Variants in ANKRD18A observed in about 807,000 individuals in gnomAD.
The protein encoded by ANKRD18A is ankyrin repeat domain-containing protein 18A.
ANKRD18A carries 72 observed loss-of-function variants against 110.6 expected under a neutral mutation model. The ratio of observed to expected loss-of-function variants is 0.65; its 90% CI spans 0.54 to 0.79. The LOEUF is 0.79. Among genes scored for constraint, ANKRD18A ranks in the 30% least tolerant of loss-of-function variants. The pLI, the probability that ANKRD18A is intolerant of heterozygous loss-of-function variation, is 0.00. For missense variants in ANKRD18A, 934 were observed against 1,163.3 expected (o/e 0.80, Z 2.87); for synonymous variants, 305 against 410.3 (o/e 0.74, Z 3.10).
chr9:38,585,483 T>C (rs1824341710), intron 12 of ANKRD18A, among the ~76,000 whole-genome samples: 1 of 152,122 alleles, frequency 6.6e-6, no homozygotes. Context: ...AACCAAACTG[T>C]AATGTGACTG....
chr9:38,594,606 A>C (rs1824796214), intron 9 of ANKRD18A, among the ~76,000 whole-genome samples: 1 of 152,162 alleles, frequency 6.6e-6, no homozygotes, highest in Non-Finnish European at 1.5e-5. Flanking sequence ...AGAAGTCTTT[A>C]AAATACTAAG....
chr9:38,571,579 C>A lies in ANKRD18A; in HGVS notation c.*466G>T. On this transcript the variant is annotated 3_prime_UTR_variant, in exon 16 of 16. Coordinates refer to ENST00000399703, the MANE Select transcript of ANKRD18A (RefSeq NM_147195.4). Reference sequence around the variant, plus strand: ...GAGCTACAAGAAGAAAACCGTAACACTAGTATGGACAAACCTGGCAGATAC... The same window carrying A: ...GAGCTACAAGAAGAAAACCGTAACAATAGTATGGACAAACCTGGCAGATAC... 10 of 1,008,070 alleles carry A rather than the reference C, an allele frequency of 9.9e-6. No homozygotes were observed. The highest frequency in any genetic ancestry group is 1.1e-5 in the Non-Finnish European group (9 of 843,900). 62.4% of individuals were successfully genotyped at this position (1,008,070 alleles called of 1,614,324 possible).
intron 6 of ANKRD18A, 32 bp from the exon 7 acceptor site, chr9:38,603,244 T>C: frequency 6.4e-7 from 1 of 1,550,626 alleles, no homozygotes; most frequent in Non-Finnish European, 8.7e-7. Flanking sequence ...TAGATATTCC[T>C]TCTGGAAAAC....
intron 3 of ANKRD18A, 85 bp downstream of exon 3, chr9:38,615,509 C>T: frequency 1.4e-6 from 2 of 1,427,408 alleles, no homozygotes; most frequent in Non-Finnish European, 1.8e-6. Flanking sequence ...TTCAGGAATA[C>T]TTGAGTTCCA....
chr9:38,591,771 G>T (rs1233419807), intron 10 of ANKRD18A, among the ~76,000 whole-genome samples: 3 of 152,226 alleles, frequency 2.0e-5, no homozygotes, highest in Middle Eastern at 3.4e-3. Flanking sequence ...AGTCACGTAT[G>T]TACTACAATG....
chr9:38,585,340 A>G (rs565636467), intron 12 of ANKRD18A, among the ~76,000 whole-genome samples: 28 of 152,212 alleles, frequency 1.8e-4, no homozygotes, highest in Admixed American at 1.1e-3. Context: ...TGTCACCTAA[A>G]GAATCCTTAA....
intron 1 of ANKRD18A, among the ~76,000 whole-genome samples, chr9:38,618,993 T>C (rs770587083): frequency 3.3e-5 from 5 of 150,172 alleles, no homozygotes; most frequent in Non-Finnish European, 7.4e-5. Flanking sequence ...TTCATCTGAA[T>C]ATATATTTTT....
At chr9:38,569,726 G>A (rs55942745), downstream of ANKRD18A, among the ~76,000 whole-genome samples, 1,685 of 152,240 alleles carry the variant, frequency 0.011, 30 homozygotes, top group African/African-American at 0.037. Context: ...TCCACTCACA[G>A]GTGCACCCAG....
At chr9:38,591,796 T>C (rs1824660760) in intron 10 of ANKRD18A, among the ~76,000 whole-genome samples, 1 of 152,152 alleles carries the variant, frequency 6.6e-6, no homozygotes, top group Non-Finnish European at 1.5e-5. Flanking sequence ...CAGCACCTCC[T>C]GGATTGAGTA....
At chr9:38,612,753 G>A (rs7854876) in intron 3 of ANKRD18A, among the ~76,000 whole-genome samples, 8,164 of 151,910 alleles carry the variant, frequency 0.054, 747 homozygotes, top group African/African-American at 0.18. Context: ...TCCTGACCTC[G>A]TGATCTGCCC....
chr9:38,596,170 C>G lies in ANKRD18A; in HGVS notation c.1170G>C (p.Gln390His). 1 of 1,546,034 alleles carries G rather than the reference C, an allele frequency of 6.5e-7. No individual in the cohort carries two copies. The highest frequency in any genetic ancestry group is 8.7e-7 in the Non-Finnish European group (1 of 1,144,896). ...CATTCTCAGCTTTCAGATCATTAAGCTGTTGCGAATACCGGGCCACTGTTT... is the reference window on the plus strand; with the variant it reads ...CATTCTCAGCTTTCAGATCATTAAGGTGTTGCGAATACCGGGCCACTGTTT... ...ITKTVARYSQ[Q>H]LNDLKAENAR... The change falls in exon 9 of 16, where the codon CAG (glutamine) becomes CAC (histidine). Residue 390 changes from glutamine to histidine, a missense_variant. By Grantham distance (24) the Gln-to-His change is conservative. Around this residue, in one of 4 missense-constraint regions of ANKRD18A, gnomAD observed 630 missense variants for 797.5 expected, o/e 0.79. Coordinates refer to ENST00000399703, the MANE Select transcript of ANKRD18A (RefSeq NM_147195.4).
At position 38,596,402 on chromosome 9, in the gene ANKRD18A, T is replaced by A. The variant is rs1478741229; in HGVS notation, c.938A>T (p.Asp313Val). Residue 313 changes from aspartate to valine, a missense_variant and splice_region_variant, in exon 9 of 16, where the codon GAT becomes GTT. Physicochemically the swap from Asp to Val is radical, Grantham distance 152. Coordinates refer to ENST00000399703, the MANE Select transcript of ANKRD18A (RefSeq NM_147195.4). ...LQRSENKQPQ[D>V]SQSYGKKKDA... ...CTTCTTTTTTCCGTAACTTTGAGAA[T>A]CCTAAATAAAACAAAACAAATTTTT... The A allele has an allele frequency of 4.2e-6, 6 of 1,440,008 alleles. No homozygotes were observed. The highest frequency in any genetic ancestry group is 5.5e-6 in the Non-Finnish European group (6 of 1,096,892). 89.2% of individuals were successfully genotyped at this position (1,440,008 alleles called of 1,614,324 possible).
intron 9 of ANKRD18A, among the ~76,000 whole-genome samples, chr9:38,594,856 C>A (rs1444792995): frequency 6.6e-6 from 1 of 152,196 alleles, no homozygotes; most frequent in Non-Finnish European, 1.5e-5. Flanking sequence ...AGCATTTCCA[C>A]TTACCTGCTT....
intron 1 of ANKRD18A, among the ~76,000 whole-genome samples, 158 bp downstream of exon 1, chr9:38,619,922 G>T (rs765775008): frequency 6.6e-6 from 1 of 152,186 alleles, no homozygotes; most frequent in African/African-American, 2.4e-5. Context: ...CGCGACGGAC[G>T]GGGAATTGCC....
chr9:38,615,295 T>C (rs1218449531), intron 3 of ANKRD18A, among the ~76,000 whole-genome samples: 1 of 152,112 alleles, frequency 6.6e-6, no homozygotes, highest in Non-Finnish European at 1.5e-5. Context: ...TCCAGGGTAA[T>C]TTTTTCCCTG....
chr9:38,603,134 G>A (rs3005823), intron 7 of ANKRD18A, 25 bp downstream of exon 7: 505,136 of 1,452,498 alleles, frequency 0.35, 105,888 homozygotes, highest in African/African-American at 0.77. Flanking sequence ...TACATGGTTA[G>A]GAGTAGAGAA....
chr9:38,593,875 T>C lies in ANKRD18A; in HGVS notation c.1889A>G (p.Asp630Gly). The C allele has an allele frequency of 6.6e-7, 1 of 1,506,460 alleles. No individual in the cohort carries two copies. The highest frequency in any genetic ancestry group is 8.9e-7 in the Non-Finnish European group (1 of 1,129,538). 93.3% of individuals were successfully genotyped at this position (1,506,460 alleles called of 1,614,324 possible). The change falls in exon 10 of 16, where the codon GAT becomes GGT. Residue 630 changes from aspartate (D) to glycine (G), a missense_variant. Physicochemically the swap from Asp to Gly is moderately conservative, Grantham distance 94. Coordinates refer to ENST00000399703, the MANE Select transcript of ANKRD18A (RefSeq NM_147195.4). Reference protein sequence around the residue: ...IVREFQEELVDHLKTFSISES... With the variant: ...IVREFQEELVGHLKTFSISES... ...TGATATTGAAAATGTTTTAAGGTGA[T>C]CGACCAGTTCTTCTTGAAATTCTCT...
intron 14 of ANKRD18A, among the ~76,000 whole-genome samples, chr9:38,576,240 C>T (rs1823888627): frequency 6.6e-6 from 1 of 152,194 alleles, no homozygotes. Context: ...TTGTACATTT[C>T]ACCCATTCTC....
rs972757744 is a variant in ANKRD18A at position 38,620,355 on chromosome 9, C to G, written c.-70G>C. 31 of 1,484,632 alleles carry G rather than the reference C, an allele frequency of 2.1e-5. No individual in the cohort carries two copies. Among genetic ancestry groups the G allele is most frequent in the South Asian group, 2.6e-5 (2 of 76,126 alleles). 92.0% of individuals were successfully genotyped at this position (1,484,632 alleles called of 1,614,324 possible). ...CGGCTCCTCGTGGCCTTTCCACCCCCACTCCGCCCCAAATCCGCGATCTCC... is the reference window on the plus strand; with the variant it reads ...CGGCTCCTCGTGGCCTTTCCACCCCGACTCCGCCCCAAATCCGCGATCTCC... On this transcript the variant is annotated 5_prime_UTR_variant, in exon 1 of 16. Coordinates refer to ENST00000399703, the MANE Select transcript of ANKRD18A (RefSeq NM_147195.4).
Sources: gnomAD v4.1 joint callset for allele counts (sites outside exome capture counted in the v4.1 genomes callset) on GRCh38, gnomAD v4.1.1 for gene constraint, gnomAD v4.1.1 regional missense constraint, MANE v1.5 for transcripts, NCBI Gene and HGNC (gene_info 2026-07-23, HGNC 2026-07-21) for gene names.